KCNK5: variants seen among roughly 807,000 people sequenced by gnomAD.
KCNK5 encodes the protein potassium channel subfamily K member 5.
In KCNK5, 18 loss-of-function variants were observed where a neutral mutation model predicts 32.9. The observed-to-expected ratio is 0.55, with a 90% confidence interval of 0.38 to 0.81. KCNK5 has a LOEUF of 0.81. Among genes scored for constraint, KCNK5 ranks in the 30% least tolerant of loss-of-function variants. The pLI is 0.00. For synonymous variants in KCNK5, 276 were observed against 275.3 expected (o/e 1.00, Z -0.03); for missense variants, 507 against 651.0 (o/e 0.78, Z 2.41).
chr6:39,195,607 G>C (rs1275514285), intron 2 of KCNK5, among the ~76,000 whole-genome samples: 1 of 152,230 alleles, frequency 6.6e-6, no homozygotes, highest in African/African-American at 2.4e-5. Context: ...TCTGCAATGA[G>C]CAGTCTGGTT....
At chr6:39,224,199 A>G (rs1043487068) in intron 1 of KCNK5, among the ~76,000 whole-genome samples, 2 of 150,698 alleles carry the variant, frequency 1.3e-5, no homozygotes, top group Non-Finnish European at 2.9e-5. Flanking sequence ...TCCACTTTCC[A>G]CTTCTGCAGT....
intron 1 of KCNK5, among the ~76,000 whole-genome samples, chr6:39,201,558 C>A (rs930654335): frequency 2.0e-5 from 3 of 152,110 alleles, no homozygotes; most frequent in Non-Finnish European, 2.9e-5. Context: ...GCAATCAATT[C>A]TTAATTCACT....
rs533001830 is a variant in KCNK5, at chr6:39,206,776, C to T, written c.187-10789G>A. 2.0e-5 allele frequency among the ~76,000 whole-genome samples: 3 copies of T among 152,310 alleles called. No homozygotes were observed. The South Asian group carries it at 6.2e-4, about 32-fold the overall frequency. ...GGTTACCTGGGGCATGTCTTATCAC[C>T]TCTCTGAGCTTAACACTCCGTATCT... On this transcript the variant is annotated intron_variant, in intron 1 of 4. Coordinates refer to ENST00000359534, the MANE Select transcript of KCNK5 (RefSeq NM_003740.4).
chr6:39,210,312 A>T (rs1771309474), intron 1 of KCNK5, among the ~76,000 whole-genome samples: 1 of 152,128 alleles, frequency 6.6e-6, no homozygotes, highest in African/African-American at 2.4e-5. Flanking sequence ...CCCTCTCCCC[A>T]TGTGTAAAAT....
At chr6:39,220,889 T>C (rs1429359654) in intron 1 of KCNK5, among the ~76,000 whole-genome samples, 1 of 152,160 alleles carries the variant, frequency 6.6e-6, no homozygotes, top group East Asian at 1.9e-4. Flanking sequence ...CGTACTATTA[T>C]CCCATTTTGC....
Position 39,190,769 on chromosome 6 carries a change from C to A in KCNK5, c.*121G>T. The A allele has an allele frequency of 2.0e-6, 2 of 999,568 alleles. No homozygotes were observed. The highest frequency in any genetic ancestry group is 2.8e-6 in the Non-Finnish European group (2 of 722,576). The allele number at this position is 999,568 out of a possible 1,614,324, so 61.9% of individuals were successfully genotyped here. A position where few individuals can be genotyped will look rare whatever the true frequency, so the allele number is the denominator to read the frequency against. The stretch of plus-strand genomic sequence containing the variant: ...ATGGAAGGTTAGGAAGGCCCCTGGC[C>A]CCCCACTCCCAGTTCCGAGGCTGCC... On this transcript the variant is annotated 3_prime_UTR_variant, in exon 5 of 5. Coordinates refer to ENST00000359534, the MANE Select transcript of KCNK5 (RefSeq NM_003740.4).
intron 1 of KCNK5, among the ~76,000 whole-genome samples, chr6:39,208,250 G>C (rs1278005297): frequency 2.0e-5 from 3 of 152,160 alleles, no homozygotes; most frequent in Non-Finnish European, 4.4e-5. Flanking sequence ...TGAGGAACCA[G>C]GATGGGATTA....
At chr6:39,217,727 T>A (rs1771467166) in intron 1 of KCNK5, among the ~76,000 whole-genome samples, 1 of 151,896 alleles carries the variant, frequency 6.6e-6, no homozygotes, top group Non-Finnish European at 1.5e-5. Context: ...CCTGCCAACC[T>A]CCAAGACAGG....
intron 1 of KCNK5, among the ~76,000 whole-genome samples, chr6:39,222,609 G>A (rs1771574124): frequency 2.0e-5 from 3 of 152,168 alleles, no homozygotes; most frequent in Non-Finnish European, 2.9e-5. Context: ...CCATCCTGCA[G>A]AACACCTCCC....
intron 1 of KCNK5, among the ~76,000 whole-genome samples, chr6:39,220,515 T>A (rs568626072): frequency 2.0e-5 from 3 of 151,958 alleles, no homozygotes; most frequent in South Asian, 2.1e-4. Context: ...CTCCAGAAAA[T>A]TTTTAACCAA....
intron 4 of KCNK5, among the ~76,000 whole-genome samples, chr6:39,192,344 G>A (rs1039243517): frequency 2.0e-5 from 3 of 150,770 alleles, no homozygotes; most frequent in African/African-American, 7.3e-5. Flanking sequence ...AGCTAAAGGG[G>A]CTTTGGGGGA....
rs1442037453 is a variant in KCNK5 at position 39,189,558 on chromosome 6, A to G, written c.*1332T>C. The G allele has an allele frequency of 1.3e-5, 2 of 152,698 alleles. No individual in the cohort carries two copies. Among genetic ancestry groups the G allele is most frequent in the Non-Finnish European group, 2.9e-5 (2 of 68,062 alleles). 9.5% of individuals were successfully genotyped at this position (152,698 alleles called of 1,614,324 possible). ...ATAAAAACAGCAGTTTGTTTAAAAA[A>G]TAAAACAAAAAATAACAAAAACATT... On this transcript the variant is annotated 3_prime_UTR_variant, in exon 5 of 5. Coordinates refer to ENST00000359534, the MANE Select transcript of KCNK5 (RefSeq NM_003740.4).
In KCNK5 at chr6:39,191,499, C is replaced by A. The variant is rs1375965006; in HGVS notation, c.891G>T (p.Lys297Asn). 2 of 1,613,868 alleles carry A rather than the reference C, an allele frequency of 1.2e-6. No individual in the cohort carries two copies. The highest frequency in any genetic ancestry group is 2.7e-5 in the African/African-American group (2 of 74,898). ...TGATGAGGTCGTTGTAGGTCTCTTC[C>A]TTCTTGGAAAGAAAGCTGAAGATGT... ...DVNIFSFLSK[K>N]EETYNDLIKQ... The change falls in exon 5 of 5, where the codon AAG becomes AAT. Residue 297 changes from lysine to asparagine, a missense_variant. Coordinates refer to ENST00000359534, the MANE Select transcript of KCNK5 (RefSeq NM_003740.4). This position sits in a 1 kb window ranked among gnomAD's most constrained non-coding sequence, Gnocchi z 5.8.
In KCNK5 at chr6:39,229,298, C is replaced by T. The variant is rs952440201; in HGVS notation, c.-187G>A. On this transcript the variant is annotated 5_prime_UTR_variant, in exon 1 of 5. Coordinates refer to ENST00000359534, the MANE Select transcript of KCNK5 (RefSeq NM_003740.4). ...CTTGGCCAAGTTGGCCCACGGAGTG[C>T]GGGGAGCTGCGTGGGGCCCCACTCA... 27 of 691,556 alleles carry T rather than the reference C, an allele frequency of 3.9e-5. No individual in the cohort carries two copies. Among genetic ancestry groups the T allele is most frequent in the Non-Finnish European group, 6.1e-5 (26 of 423,336 alleles). 42.8% of individuals were successfully genotyped at this position (691,556 alleles called of 1,614,324 possible).
intron 1 of KCNK5, among the ~76,000 whole-genome samples, chr6:39,214,552 GGAGA>G (rs1002934367): frequency 3.3e-5 from 5 of 152,194 alleles, no homozygotes; most frequent in African/African-American, 4.8e-5. Context: ...ACAGGACAAA[GGAGA>G]GAGAGAAACA....
intron 4 of KCNK5, among the ~76,000 whole-genome samples, chr6:39,193,306 G>A (rs940514610): frequency 6.6e-6 from 1 of 152,196 alleles, no homozygotes; most frequent in Non-Finnish European, 1.5e-5. Flanking sequence ...AGGGTCAGGG[G>A]AGTGTTTGTG....
intron 1 of KCNK5, among the ~76,000 whole-genome samples, chr6:39,203,679 GCTCTC>G (rs1771170917): frequency 6.6e-6 from 1 of 152,222 alleles, no homozygotes; most frequent in African/African-American, 2.4e-5. Flanking sequence ...ATGGGCAGTG[GCTCTC>G]GGTACAGGCT....
At chr6:39,212,296 T>C (rs1009456113) in intron 1 of KCNK5, among the ~76,000 whole-genome samples, 1 of 152,024 alleles carries the variant, frequency 6.6e-6, no homozygotes, top group African/African-American at 2.4e-5. Flanking sequence ...TCTCAAAAAA[T>C]AAATAAGTAA....
intron 1 of KCNK5, among the ~76,000 whole-genome samples, chr6:39,197,815 C>T (rs1279772099): frequency 2.0e-5 from 3 of 152,148 alleles, no homozygotes; most frequent in Non-Finnish European, 4.4e-5. Flanking sequence ...TAAGAACATA[C>T]AAGAACATCT....
Sources: allele counts gnomAD v4.1 joint callset (sites outside exome capture counted in the v4.1 genomes callset), GRCh38; gene constraint gnomAD v4.1.1; non-coding constraint Gnocchi (gnomAD v3.1); transcripts MANE v1.5; gene names NCBI Gene and HGNC (gene_info 2026-07-23, HGNC 2026-07-21).